Variants in HERC3 observed in about 807,000 individuals in gnomAD.
HERC3 encodes HECT and RLD domain containing E3 ubiquitin protein ligase 3.
A neutral mutation model predicts 129.9 loss-of-function variants in HERC3; 58 were observed. The ratio of observed to expected loss-of-function variants is 0.45; its 90% CI spans 0.36 to 0.56. The LOEUF (loss-of-function observed/expected upper bound fraction) is 0.56, where lower values mean the gene tolerates loss of function less well. Among genes scored for constraint, HERC3 ranks in the 20% least tolerant of loss-of-function variants. The pLI is 0.00. For synonymous variants in HERC3, 430 were observed against 451.0 expected, an observed-to-expected ratio of 0.95 and a Z score of 0.59; for missense variants, 835 against 1,244.2, an observed-to-expected ratio of 0.67 and a Z score of 4.95.
chr4:88,705,066 G>T (rs1191047948), intron 25 of HERC3, among the ~76,000 whole-genome samples: 1 of 151,994 alleles, frequency 6.6e-6, no homozygotes, highest in Non-Finnish European at 1.5e-5. Flanking sequence ...TCACCATGTT[G>T]CCCAGACTGG....
At chr4:88,689,939 CA>C (rs1348621223) in intron 23 of HERC3, 3 of 870,576 alleles carry the variant, frequency 3.4e-6, no homozygotes, top group Non-Finnish European at 4.1e-6. Context: ...ATTCATTAAC[CA>C]TTTTTTTTTT....
At chr4:88,611,838 A>G (rs960435169) in intron 3 of HERC3, among the ~76,000 whole-genome samples, 2 of 152,224 alleles carry the variant, frequency 1.3e-5, no homozygotes, top group East Asian at 3.9e-4. Flanking sequence ...ATGGTCATCT[A>G]GCACTAGTCT....
the HERC3 span, among the ~76,000 whole-genome samples, chr4:88,581,289 C>CTTATTA: frequency 1.3e-5 from 2 of 150,642 alleles, no homozygotes; most frequent in South Asian, 2.1e-4. Flanking sequence ...TATTTATTTA[C>CTTATTA]TTATTATTAT....
chr4:88,698,698 T>TGCCTTCCCC (rs1383169482), intron 23 of HERC3, among the ~76,000 whole-genome samples: 5 of 151,726 alleles, frequency 3.3e-5, no homozygotes, highest in African/African-American at 4.9e-5. Flanking sequence ...TCTGCTTCCC[T>TGCCTTCCCC]GCCTTCCCCA....
chr4:88,523,901 T>C, the HERC3 span: 9 of 552,182 alleles, frequency 1.6e-5, no homozygotes, highest in South Asian at 5.0e-5. Context: ...TCATCTATAG[T>C]CCGGAGGACA....
At chr4:88,594,124 C>T (rs1722074516) in intron 1 of HERC3, among the ~76,000 whole-genome samples, 1 of 152,158 alleles carries the variant, frequency 6.6e-6, no homozygotes, top group Admixed American at 6.5e-5. Flanking sequence ...AGTTCTTGTT[C>T]AGTAAGTAGC....
intron 7 of HERC3, 99 bp from the exon 8 acceptor site, chr4:88,655,075 G>A: frequency 8.4e-7 from 1 of 1,196,518 alleles, no homozygotes; most frequent in Non-Finnish European, 1.2e-6. Context: ...TGAATGTAGT[G>A]CTCTTGTGCA....
intron 3 of HERC3, among the ~76,000 whole-genome samples, chr4:88,611,318 G>T (rs956561661): frequency 6.6e-6 from 1 of 152,190 alleles, no homozygotes; most frequent in African/African-American, 2.4e-5. Flanking sequence ...CTTGTTTTCT[G>T]TGTTTGCTTA....
intron 3 of HERC3, among the ~76,000 whole-genome samples, chr4:88,638,084 T>C (rs1727629411): frequency 6.6e-6 from 1 of 152,126 alleles, no homozygotes; most frequent in Non-Finnish European, 1.5e-5. Flanking sequence ...AGTTATGAAA[T>C]TGAGTCAGTA....
intron 7 of HERC3, among the ~76,000 whole-genome samples, chr4:88,654,344 TTTTTCATATATATATATATATATATA>T (rs1263976465): frequency 1.1e-5 from 1 of 91,534 alleles, no homozygotes; most frequent in African/African-American, 5.2e-5. Flanking sequence ...ATCTTGTAGA[TTTTTCATATATATATATATATATATA>T]TATATATATA....
chr4:88,647,151 A>C (rs949648036), intron 3 of HERC3, among the ~76,000 whole-genome samples: 12 of 152,260 alleles, frequency 7.9e-5, no homozygotes, highest in African/African-American at 2.9e-4. Flanking sequence ...GTCAATGGTC[A>C]TTGGAATCCA....
At chr4:88,607,379 GT>G (rs1423576803) in intron 3 of HERC3, among the ~76,000 whole-genome samples, 1 of 152,122 alleles carries the variant, frequency 6.6e-6, no homozygotes, top group African/African-American at 2.4e-5. Flanking sequence ...GGACTAATTC[GT>G]TTCCTTAAAT....
intron 10 of HERC3, among the ~76,000 whole-genome samples, chr4:88,661,936 AG>A (rs1156334863): frequency 1.3e-5 from 2 of 152,182 alleles, no homozygotes; most frequent in South Asian, 2.1e-4. Flanking sequence ...TTCAAAGCAA[AG>A]GGGAAAGAAG....
upstream of HERC3, among the ~76,000 whole-genome samples, chr4:88,590,683 A>C (rs28753965): frequency 0.043 from 6,548 of 152,248 alleles, 176 homozygotes; most frequent in Middle Eastern, 0.14. Flanking sequence ...AGGATCTCTC[A>C]CTTTCTCCTT....
upstream of HERC3, among the ~76,000 whole-genome samples, chr4:88,590,253 G>C (rs1352491589): frequency 6.7e-6 from 1 of 149,966 alleles, no homozygotes; most frequent in Non-Finnish European, 1.5e-5. Context: ...AGGCAACTGA[G>C]CGAGACTCCT....
At chr4:88,603,510 C>T (rs72663446) in intron 2 of HERC3, among the ~76,000 whole-genome samples, 3,032 of 152,042 alleles carry the variant, frequency 0.02, 43 homozygotes, top group Non-Finnish European at 0.03. Context: ...CCCGGCCAAT[C>T]GCTCTCTCTT....
chr4:88,669,747 A>G (rs1290712538), intron 14 of HERC3, 113 bp from the exon 15 acceptor site: 2 of 853,052 alleles, frequency 2.3e-6, no homozygotes, highest in Non-Finnish European at 1.8e-6. Context: ...GGGAAAATGT[A>G]TTTTAGACTA....
chr4:88,669,797 C>T, intron 14 of HERC3, 63 bp from the exon 15 acceptor site: 6 of 1,383,542 alleles, frequency 4.3e-6, no homozygotes, highest in Non-Finnish European at 6.1e-6. Context: ...AACTGGCAGG[C>T]AGAAGACATA....
intron 3 of HERC3, among the ~76,000 whole-genome samples, chr4:88,647,590 A>C (rs1728830290): frequency 6.6e-6 from 1 of 152,192 alleles, no homozygotes. Flanking sequence ...GTAAGTAGTG[A>C]GCAGAGGTTA....
Sources: allele counts gnomAD v4.1 joint callset (sites outside exome capture counted in the v4.1 genomes callset), GRCh38; gene constraint gnomAD v4.1.1; transcripts MANE v1.5; gene names NCBI Gene and HGNC (gene_info 2026-07-23, HGNC 2026-07-21).